Variants in KLF12 observed in about 807,000 individuals in gnomAD.
KLF12 encodes the protein Krueppel-like factor 12.
Under a neutral mutation model 37.8 loss-of-function variants are expected in KLF12, and 9 were observed. The observed-to-expected ratio is 0.24, with a 90% CI of 0.14 to 0.42. The LOEUF (loss-of-function observed/expected upper bound fraction) is 0.42, where lower values mean the gene tolerates loss of function less well. Among genes scored for constraint, KLF12 ranks in the 10% least tolerant of loss-of-function variants. The pLI is 1.00. For missense variants in KLF12, 411 were observed against 516.0 expected (o/e 0.80, Z 1.97); for synonymous variants, 208 against 202.1 (o/e 1.03, Z -0.25).
At chr13:73,799,791 C>T (rs541173893) in intron 5 of KLF12, among the ~76,000 whole-genome samples, 9 of 152,030 alleles carry the variant, frequency 5.9e-5, no homozygotes, top group African/African-American at 2.2e-4. Context: ...TTTATATTTG[C>T]CTCAGAAAAT....
At chr13:74,039,214 A>C (rs1893338853) in intron 1 of KLF12, among the ~76,000 whole-genome samples, 2 of 152,166 alleles carry the variant, frequency 1.3e-5, no homozygotes, top group African/African-American at 4.8e-5. Context: ...CCCTATCCTA[A>C]CATTACATCT....
At chr13:74,123,441 C>T (rs35667278) in intron 1 of KLF12, among the ~76,000 whole-genome samples, 2,478 of 152,306 alleles carry the variant, frequency 0.016, 48 homozygotes, top group Middle Eastern at 0.034. Context: ...GCTTGCCTTT[C>T]GGCTTAGCTA....
intron 3 of KLF12, among the ~76,000 whole-genome samples, chr13:73,940,964 G>A (rs1890160037): frequency 6.6e-6 from 1 of 152,186 alleles, no homozygotes; most frequent in Non-Finnish European, 1.5e-5. Context: ...CTAACACGCA[G>A]CAGAGAACAA....
chr13:73,981,842 C>CA (rs1459757307), intron 2 of KLF12, among the ~76,000 whole-genome samples: 1 of 152,110 alleles, frequency 6.6e-6, no homozygotes, highest in East Asian at 1.9e-4. Context: ...TCGGACTTCC[C>CA]AGCTTCCAAA....
intron 4 of KLF12, among the ~76,000 whole-genome samples, chr13:73,832,281 A>G (rs1884201725): frequency 6.6e-6 from 1 of 152,138 alleles, no homozygotes; most frequent in Admixed American, 6.5e-5. Flanking sequence ...TTGAGTACCA[A>G]AGCTTTACGC....
the KLF12 span, among the ~76,000 whole-genome samples, chr13:74,267,386 T>A: frequency 6.6e-6 from 1 of 152,220 alleles, no homozygotes; most frequent in East Asian, 1.9e-4. Flanking sequence ...ATATACAGGA[T>A]GGAATATTAT....
the KLF12 span, among the ~76,000 whole-genome samples, chr13:74,179,236 C>G: frequency 6.6e-6 from 1 of 152,148 alleles, no homozygotes; most frequent in Non-Finnish European, 1.5e-5. Context: ...TAGTGAAAGC[C>G]CATTTGGACA....
the KLF12 span, among the ~76,000 whole-genome samples, chr13:74,179,020 T>C: frequency 1.1e-4 from 17 of 152,346 alleles, no homozygotes; most frequent in Non-Finnish European, 1.3e-4. Context: ...TGGTGGTCAA[T>C]AAGTATTTAT....
intron 1 of KLF12, among the ~76,000 whole-genome samples, chr13:74,093,130 T>C (rs966401480): frequency 6.6e-6 from 1 of 152,206 alleles, no homozygotes; most frequent in African/African-American, 2.4e-5. Flanking sequence ...CTTTCTATCA[T>C]TAGACAACCA....
intron 3 of KLF12, among the ~76,000 whole-genome samples, chr13:73,923,565 G>A (rs1889226942): frequency 6.6e-6 from 1 of 152,198 alleles, no homozygotes; most frequent in Admixed American, 6.5e-5. Context: ...GGTCAGGGCA[G>A]TCACTTTTTA....
chr13:74,215,175 AT>A, the KLF12 span, among the ~76,000 whole-genome samples: 22 of 152,208 alleles, frequency 1.4e-4, no homozygotes, highest in African/African-American at 5.3e-4. Flanking sequence ...ATATTTTATC[AT>A]TCGAACCCAC....
At chr13:74,168,789 G>A in the KLF12 span, among the ~76,000 whole-genome samples, 1 of 152,186 alleles carries the variant, frequency 6.6e-6, no homozygotes, top group African/African-American at 2.4e-5. Flanking sequence ...TCAAGAAGGT[G>A]GGTTATTTTG....
At chr13:74,093,960 T>G (rs1166784941) in intron 1 of KLF12, among the ~76,000 whole-genome samples, 1 of 103,928 alleles carries the variant, frequency 9.6e-6, no homozygotes, top group Non-Finnish European at 2.1e-5. Context: ...GGAGTATCAG[T>G]AAAATGCAAA....
intron 4 of KLF12, among the ~76,000 whole-genome samples, chr13:73,837,916 G>A (rs140283492): frequency 1.3e-5 from 2 of 152,234 alleles, no homozygotes; most frequent in Admixed American, 6.5e-5. Context: ...GATGGGTGAC[G>A]CCAGGATTCC....
chr13:74,014,739 T>G (rs1892645049), intron 1 of KLF12, among the ~76,000 whole-genome samples: 2 of 152,238 alleles, frequency 1.3e-5, no homozygotes, highest in African/African-American at 4.8e-5. Context: ...CCCAAAAGTA[T>G]GTACTTTCCA....
intron 2 of KLF12, among the ~76,000 whole-genome samples, chr13:73,946,618 A>C (rs894105387): frequency 5.3e-5 from 8 of 152,312 alleles, no homozygotes; most frequent in Admixed American, 3.9e-4. Flanking sequence ...TTTTTTAAGA[A>C]ATCAAGATTT....
intron 3 of KLF12, among the ~76,000 whole-genome samples, chr13:73,876,769 C>T (rs1166594403): frequency 6.6e-6 from 1 of 151,994 alleles, no homozygotes; most frequent in African/African-American, 2.4e-5. Context: ...AATCCCAGCA[C>T]TTTGGGAGGC....
chr13:73,987,598 G>A (rs1213702331), intron 2 of KLF12, among the ~76,000 whole-genome samples: 2 of 150,938 alleles, frequency 1.3e-5, no homozygotes, highest in Non-Finnish European at 3.0e-5. Flanking sequence ...AAGGGAGGGA[G>A]GGAGCAGACG....
At chr13:73,830,142 T>G (rs577250908) in intron 4 of KLF12, among the ~76,000 whole-genome samples, 27 of 152,300 alleles carry the variant, frequency 1.8e-4, no homozygotes, top group African/African-American at 5.8e-4. Context: ...ACTATCTTGA[T>G]TACTGTAGAT....
Sources: allele counts gnomAD v4.1 joint callset (sites outside exome capture counted in the v4.1 genomes callset), GRCh38; gene constraint gnomAD v4.1.1; transcripts MANE v1.5; gene names NCBI Gene and HGNC (gene_info 2026-07-23, HGNC 2026-07-21).